APBB2: variants seen among roughly 807,000 people sequenced by gnomAD.
APBB2 encodes the protein amyloid beta precursor protein binding family B member 2.
APBB2 carries 38 observed loss-of-function variants against 82.5 expected under a neutral mutation model. The ratio of observed to expected loss-of-function variants is 0.46; its 90% confidence interval spans 0.36 to 0.60. APBB2 has a LOEUF of 0.60. Ranked by LOEUF, APBB2 falls within the 20% of genes least tolerant of loss-of-function variation. The probability of loss-of-function intolerance (pLI) is 0.00; values close to 1 mark genes in which losing one functional copy is unlikely to be tolerated. For synonymous variants in APBB2, 341 were observed against 368.2 expected (o/e 0.93, Z 0.85); for missense variants, 772 against 972.3 (o/e 0.79, Z 2.74).
chr4:41,141,252 A>G (rs917642719), intron 2 of APBB2, among the ~76,000 whole-genome samples: 18 of 152,154 alleles, frequency 1.2e-4, no homozygotes, highest in African/African-American at 4.3e-4. Context: ...TTGCCAAGAA[A>G]GTGAAACAGG....
At chr4:40,958,690 T>C (rs1368604726) in intron 6 of APBB2, among the ~76,000 whole-genome samples, 1 of 152,080 alleles carries the variant, frequency 6.6e-6, no homozygotes, top group Non-Finnish European at 1.5e-5. Flanking sequence ...ACTGCAGCCT[T>C]GACCTCCTGG....
At chr4:41,102,438 G>C (rs1244223259) in intron 2 of APBB2, among the ~76,000 whole-genome samples, 3 of 152,176 alleles carry the variant, frequency 2.0e-5, no homozygotes, top group Non-Finnish European at 4.4e-5. Context: ...TTACCATACA[G>C]CACACTCAGT....
At chr4:41,193,768 G>A in intron 1 of APBB2, 1 of 155,000 alleles carries the variant, frequency 6.5e-6, no homozygotes, top group Middle Eastern at 3.4e-3. Flanking sequence ...GAGAGAGAGA[G>A]AGAAAACACA....
chr4:40,860,133 T>C (rs545484665), intron 12 of APBB2, among the ~76,000 whole-genome samples: 2 of 152,336 alleles, frequency 1.3e-5, no homozygotes, highest in African/African-American at 2.4e-5. Context: ...TTCTGTACAG[T>C]GAAGAATTCA....
chr4:40,936,683 T>C lies in APBB2; in HGVS notation c.1045-1544A>G, dbSNP rs575484144. Among the ~76,000 whole-genome samples, 3 of 152,312 alleles carry C rather than the reference T, an allele frequency of 2.0e-5. No homozygotes were observed. In the South Asian group the frequency reaches 6.2e-4, roughly 32 times the overall value. ...GGTCTAGGCACCTAAACTGCAGCTT[T>C]TCAAAATAAAATGGGAACTTAGACC... is the stretch of plus-strand genomic sequence containing the variant. On this transcript the variant is annotated intron_variant, in intron 7 of 17. Transcript: ENST00000508593.
intron 17 of APBB2, among the ~76,000 whole-genome samples, chr4:40,817,829 T>C (rs1317216143): frequency 6.6e-6 from 1 of 152,186 alleles, no homozygotes; most frequent in East Asian, 1.9e-4. Flanking sequence ...ATCAATCATA[T>C]GAAATATGAT....
chr4:41,049,235 G>A (rs190537827), intron 4 of APBB2, among the ~76,000 whole-genome samples: 6,575 of 146,434 alleles, frequency 0.045, 224 homozygotes, highest in Middle Eastern at 0.085. Flanking sequence ...CTGCCCAGCC[G>A]CGACCCCGTC....
chr4:40,976,377 T>A (rs947795646), intron 6 of APBB2, among the ~76,000 whole-genome samples: 1 of 152,222 alleles, frequency 6.6e-6, no homozygotes, highest in Non-Finnish European at 1.5e-5. Flanking sequence ...CTAAATCATA[T>A]AATTAATGGA....
chr4:41,118,891 G>C (rs187377692), intron 2 of APBB2, among the ~76,000 whole-genome samples: 213 of 152,236 alleles, frequency 1.4e-3, no homozygotes, highest in African/African-American at 4.8e-3. Context: ...TGTAATTCTA[G>C]CACTTTGGCA....
chr4:41,017,179 G>A (rs1810226658), intron 5 of APBB2, among the ~76,000 whole-genome samples: 2 of 152,152 alleles, frequency 1.3e-5, no homozygotes, highest in African/African-American at 2.4e-5. Context: ...TTACAGGCGT[G>A]AACCACCAGG....
intron 12 of APBB2, among the ~76,000 whole-genome samples, chr4:40,875,156 ACATGT>A (rs1191553123): frequency 2.0e-5 from 3 of 152,320 alleles, no homozygotes; most frequent in African/African-American, 7.2e-5. Flanking sequence ...GCAGCAGGGA[ACATGT>A]CATGTCTTTT....
chr4:40,851,337 G>A (rs1413808171), intron 12 of APBB2, among the ~76,000 whole-genome samples: 8 of 152,242 alleles, frequency 5.3e-5, no homozygotes, highest in African/African-American at 1.7e-4. Flanking sequence ...AACATGTGAA[G>A]CGGCAGCCAT....
At chr4:40,822,713 T>C (rs1401511052) in intron 16 of APBB2, among the ~76,000 whole-genome samples, 5 of 152,242 alleles carry the variant, frequency 3.3e-5, no homozygotes, top group Admixed American at 3.3e-4. Flanking sequence ...ATCCAAAATG[T>C]TGACTTTTGG....
chr4:40,818,886 A>T, intron 17 of APBB2, among the ~76,000 whole-genome samples: 1 of 152,116 alleles, frequency 6.6e-6, no homozygotes, highest in Non-Finnish European at 1.5e-5. Flanking sequence ...TCATCCTTTT[A>T]ACATTTTTAT....
chr4:41,004,292 T>C (rs1402645009), intron 6 of APBB2, among the ~76,000 whole-genome samples: 1 of 152,156 alleles, frequency 6.6e-6, no homozygotes, highest in East Asian at 1.9e-4. Context: ...CAACAAAACA[T>C]CTTAACATCT....
chr4:40,957,221 A>C (rs1416238873), intron 6 of APBB2, among the ~76,000 whole-genome samples: 1 of 152,252 alleles, frequency 6.6e-6, no homozygotes, highest in African/African-American at 2.4e-5. Context: ...TTGGAAAAAA[A>C]TATTCTGTAA....
At chr4:40,861,038 C>T (rs998906786) in intron 12 of APBB2, among the ~76,000 whole-genome samples, 17 of 152,134 alleles carry the variant, frequency 1.1e-4, no homozygotes, top group Non-Finnish European at 4.4e-5. Flanking sequence ...TATAGCGAGA[C>T]CCCCATATCT....
intron 10 of APBB2, among the ~76,000 whole-genome samples, chr4:40,930,443 G>C (rs1161214347): frequency 1.4e-4 from 4 of 28,148 alleles, no homozygotes; most frequent in African/African-American, 4.1e-4. Flanking sequence ...GTGTGTGTGT[G>C]TGTGTGCGCG....
chr4:40,923,113 C>T (rs1038093535), intron 10 of APBB2, among the ~76,000 whole-genome samples: 6 of 151,666 alleles, frequency 4.0e-5, no homozygotes, highest in Non-Finnish European at 7.4e-5. Context: ...GTAGCTGGGA[C>T]TACAGGCGCC....
Sources: allele counts gnomAD v4.1 joint callset (sites outside exome capture counted in the v4.1 genomes callset), GRCh38; gene constraint gnomAD v4.1.1; transcripts MANE v1.5; gene names NCBI Gene and HGNC (gene_info 2026-07-23, HGNC 2026-07-21).